The following MSH4 variants were observed in gnomAD, a reference collection of about 807,000 sequenced individuals.
The protein encoded by MSH4 is mutS homolog 4.
MSH4 carries 106 observed loss-of-function variants against 113.7 expected under a neutral mutation model. The ratio of observed to expected loss-of-function variants is 0.93; its 90% CI spans 0.80 to 1.10. The LOEUF (loss-of-function observed/expected upper bound fraction) is 1.10, where lower values mean the gene tolerates loss of function less well. Ranked by LOEUF, MSH4 falls within the 50% of genes least tolerant of loss-of-function variation. The pLI, the probability that MSH4 is intolerant of heterozygous loss-of-function variation, is 0.00. For missense variants in MSH4, 1,061 were observed against 1,093.7 expected (o/e 0.97, Z 0.42); for synonymous variants, 368 against 380.2 (o/e 0.97, Z 0.37).
In MSH4 at chr1:75,880,058, A is replaced by C; in HGVS notation, c.1686A>C (p.Lys562Asn). The C allele has an allele frequency of 5.1e-6, 8 of 1,557,144 alleles. No individual in the cohort carries two copies. The highest frequency in any genetic ancestry group is 7.0e-6 in the Non-Finnish European group (8 of 1,135,212). Reference protein sequence around the residue: ...QLPSEFIKISKVKNSYSFTSA... With the variant: ...QLPSEFIKISNVKNSYSFTSA... ...TTTTAATCTCCAAGCAGATTTCTAA[A>C]GTGAAAAATTCTTACAGCTTTACAT... Residue 562 changes from lysine (K) to asparagine (N), a missense_variant, in exon 13 of 20, where the codon AAA becomes AAC. Lys to Asn is a moderately conservative substitution (Grantham distance 94). Coordinates refer to ENST00000263187, the MANE Select transcript of MSH4 (RefSeq NM_002440.4).
At chr1:75,853,922 G>T (rs533746478) in intron 8 of MSH4, among the ~76,000 whole-genome samples, 57 of 150,052 alleles carry the variant, frequency 3.8e-4, no homozygotes, top group Non-Finnish European at 7.6e-4. Context: ...AATGGTATTA[G>T]AAATCAAGAT....
At chr1:75,902,717 A>G (rs796494609) in intron 19 of MSH4, among the ~76,000 whole-genome samples, 2 of 30,234 alleles carry the variant, frequency 6.6e-5, no homozygotes, top group African/African-American at 2.8e-4. Flanking sequence ...ATATATATAT[A>G]TATATATATA....
chr1:75,835,224 T>G (rs995067930), intron 7 of MSH4, among the ~76,000 whole-genome samples: 1 of 152,234 alleles, frequency 6.6e-6, no homozygotes, highest in Non-Finnish European at 1.5e-5. Context: ...ATACCTTTAA[T>G]TAGCGTAATT....
Position 75,796,907 on chromosome 1 carries a change from G to C in MSH4, c.-79G>C. The C allele has an allele frequency of 2.1e-5, 34 of 1,583,730 alleles. No individual in the cohort carries two copies. The highest frequency in any genetic ancestry group is 4.5e-5 in the East Asian group (2 of 44,542). On this transcript the variant is annotated 5_prime_UTR_variant, in exon 1 of 20. Transcript: ENST00000263187. Reference sequence around the variant, plus strand: ...GCGCAGTTCTCCCGCCCGTTTCAGCGGCGCAGCTTCTGTAGTTGGGCTACT... The same window carrying C: ...GCGCAGTTCTCCCGCCCGTTTCAGCCGCGCAGCTTCTGTAGTTGGGCTACT...
chr1:75,887,626 G>T (rs989931449), intron 15 of MSH4, among the ~76,000 whole-genome samples: 8 of 152,130 alleles, frequency 5.3e-5, no homozygotes, highest in Non-Finnish European at 1.2e-4. Context: ...GTAAGTCAAA[G>T]TATTGAGAAG....
intron 7 of MSH4, among the ~76,000 whole-genome samples, chr1:75,832,008 GA>G (rs1375533968): frequency 6.6e-6 from 1 of 152,056 alleles, no homozygotes; most frequent in Non-Finnish European, 1.5e-5. Flanking sequence ...CTGGTTTTTT[GA>G]AAAGATCAAC....
In MSH4 at chr1:75,838,731, G is replaced by A. The variant is rs146363770; in HGVS notation, c.1163-9478G>A. ...TTAAACATATCTGCTGTCATTTTCT[G>A]GCTTTGGAACGCTGTAATTTTTGCC... On this transcript the variant is annotated intron_variant, in intron 7 of 19. Coordinates refer to ENST00000263187, the MANE Select transcript of MSH4 (RefSeq NM_002440.4). Among the ~76,000 whole-genome samples the A allele has an allele frequency of 6.4e-4, 97 of 152,152 alleles. 1 individual carries two copies. In the East Asian group the frequency reaches 0.014, roughly 22 times the overall value.
intron 19 of MSH4, among the ~76,000 whole-genome samples, chr1:75,905,252 A>G (rs548552193): frequency 1.4e-5 from 2 of 147,914 alleles, no homozygotes; most frequent in Middle Eastern, 7.2e-3. Context: ...TATGTCATGT[A>G]TTTTTTTCAA....
chr1:75,806,567 T>C (rs999101188), intron 2 of MSH4, among the ~76,000 whole-genome samples: 4 of 152,070 alleles, frequency 2.6e-5, no homozygotes, highest in Admixed American at 6.6e-5. Context: ...GTTTCTATGT[T>C]TCTAGTTCTT....
intron 8 of MSH4, among the ~76,000 whole-genome samples, chr1:75,864,985 G>A (rs1651531404): frequency 6.6e-6 from 1 of 152,062 alleles, no homozygotes; most frequent in Non-Finnish European, 1.5e-5. Context: ...AATAGGAGTT[G>A]ATGAATAAAT....
At chr1:75,800,366 C>A (rs1241739308) in intron 1 of MSH4, among the ~76,000 whole-genome samples, 5 of 152,122 alleles carry the variant, frequency 3.3e-5, no homozygotes, top group African/African-American at 1.2e-4. Context: ...TTATATTTTA[C>A]CCTATGGTGA....
chr1:75,850,895 A>G (rs144976851), intron 8 of MSH4, among the ~76,000 whole-genome samples: 1 of 152,234 alleles, frequency 6.6e-6, no homozygotes, highest in East Asian at 1.9e-4. Context: ...AGATTGCTAT[A>G]TCCTCTATAA....
chr1:75,867,489 C>G (rs1483788957), intron 8 of MSH4, 25 bp from the exon 9 acceptor site: 2 of 1,349,042 alleles, frequency 1.5e-6, no homozygotes, highest in Non-Finnish European at 2.1e-6. Context: ...GGTGTCCATC[C>G]AAATTTGGGT....
chr1:75,797,230 G>T lies in MSH4; in HGVS notation c.244+1G>T. 1 of 1,602,652 alleles carries T rather than the reference G, an allele frequency of 6.2e-7. No homozygotes were observed. Among genetic ancestry groups the T allele is most frequent in the Non-Finnish European group, 8.5e-7 (1 of 1,175,116 alleles). On this transcript the variant is annotated splice_donor_variant, in intron 1 of 19. Transcript: ENST00000263187. LOFTEE classifies it high-confidence loss of function. ...GCGCCAAACTCCCGGCCAGCTCAAGGCAAGGAGTGATTGGGTGGAGGAGTC... is the reference window on the plus strand; with the variant it reads ...GCGCCAAACTCCCGGCCAGCTCAAGTCAAGGAGTGATTGGGTGGAGGAGTC...
intron 3 of MSH4, among the ~76,000 whole-genome samples, chr1:75,808,693 A>C (rs1374694611): frequency 6.6e-6 from 1 of 152,120 alleles, no homozygotes; most frequent in African/African-American, 2.4e-5. Flanking sequence ...CTAACTCCAG[A>C]GAGTTATTTC....
intron 8 of MSH4, among the ~76,000 whole-genome samples, chr1:75,865,983 A>T (rs35614774): frequency 6.6e-6 from 1 of 152,168 alleles, no homozygotes; most frequent in Non-Finnish European, 1.5e-5. Context: ...AACCTTTGTC[A>T]TAAATCGAGT....
chr1:75,842,899 A>G (rs1418253754), intron 7 of MSH4, among the ~76,000 whole-genome samples: 1 of 152,156 alleles, frequency 6.6e-6, no homozygotes, highest in Non-Finnish European at 1.5e-5. Context: ...GCTCGTCCAC[A>G]GTTATCCGGA....
At chr1:75,848,981 G>A (rs1651132876) in intron 8 of MSH4, among the ~76,000 whole-genome samples, 1 of 152,020 alleles carries the variant, frequency 6.6e-6, no homozygotes. Flanking sequence ...ACCAAGGCTG[G>A]AGTGCAGTGG....
chr1:75,887,701 C>G (rs1652157328), intron 15 of MSH4, among the ~76,000 whole-genome samples: 1 of 152,122 alleles, frequency 6.6e-6, no homozygotes, highest in South Asian at 2.1e-4. Flanking sequence ...TGCAGCCTGA[C>G]AAATAATCTT....
Sources: allele counts gnomAD v4.1 joint callset (sites outside exome capture counted in the v4.1 genomes callset), GRCh38; gene constraint gnomAD v4.1.1; transcripts MANE v1.5; gene names NCBI Gene and HGNC (gene_info 2026-07-23, HGNC 2026-07-21).